Variants in LRP5 observed in about 807,000 individuals in gnomAD.
LRP5 encodes the protein low-density lipoprotein receptor-related protein 5.
LRP5 carries 62 observed loss-of-function variants against 154.1 expected under a neutral mutation model. That is an observed-to-expected ratio of 0.40 (90% CI 0.33 to 0.50). The LOEUF (loss-of-function observed/expected upper bound fraction) is 0.50, where lower values mean the gene tolerates loss of function less well. LRP5 is among the 20% of genes least tolerant of loss of function. The pLI, the probability that LRP5 is intolerant of heterozygous loss-of-function variation, is 0.55. For missense variants in LRP5, 1,915 were observed against 2,336.7 expected, an observed-to-expected ratio of 0.82 and a Z score of 3.72; for synonymous variants, 966 against 1,011.5, an observed-to-expected ratio of 0.96 and a Z score of 0.85.
intron 5 of LRP5, among the ~76,000 whole-genome samples, chr11:68,376,870 C>T (rs566483402): frequency 2.0e-5 from 3 of 152,206 alleles, no homozygotes; most frequent in Non-Finnish European, 2.9e-5. Context: ...CTAAATTCTT[C>T]AGTTTTAGGC....
At chr11:68,331,032 C>T (rs1409529370) in intron 1 of LRP5, among the ~76,000 whole-genome samples, 1 of 151,948 alleles carries the variant, frequency 6.6e-6, no homozygotes, top group Non-Finnish European at 1.5e-5. Context: ...AAAAAATGTT[C>T]TGTGATCAGG....
At chr11:68,384,300 G>A (rs1229093349) in intron 5 of LRP5, among the ~76,000 whole-genome samples, 1 of 152,178 alleles carries the variant, frequency 6.6e-6, no homozygotes, top group African/African-American at 2.4e-5. Flanking sequence ...GCCTGGCAGG[G>A]CACTCAGGAG....
chr11:68,353,145 A>G lies in LRP5; in HGVS notation c.489-4505A>G, dbSNP rs577789020. 6.6e-6 allele frequency among the ~76,000 whole-genome samples: 1 copy of G among 152,132 alleles called. No individual in the cohort carries two copies. Among genetic ancestry groups the G allele is most frequent in the South Asian group, 2.1e-4 (1 of 4,818 alleles). ...TCCCTGTTTGGCTCTGGCTTTTCTT[A>G]ACTATTTGAAATGGTTCCTTTACAT... On this transcript the variant is annotated intron_variant, in intron 2 of 22. Coordinates refer to ENST00000294304, the MANE Select transcript of LRP5 (RefSeq NM_002335.4). This position sits in a 1 kb window ranked among gnomAD's most constrained non-coding sequence, Gnocchi z 4.5.
intron 5 of LRP5, among the ~76,000 whole-genome samples, chr11:68,379,537 C>T (rs1407317536): frequency 1.3e-5 from 2 of 152,292 alleles, no homozygotes; most frequent in East Asian, 1.9e-4. Flanking sequence ...TGAGCGGCTC[C>T]CTTCTATTTG....
At chr11:68,443,188 G>A (rs2098679060) in intron 21 of LRP5, among the ~76,000 whole-genome samples, 1 of 151,954 alleles carries the variant, frequency 6.6e-6, no homozygotes, top group South Asian at 2.1e-4. Context: ...CATGAATGAT[G>A]TAAGCATCAT....
At chr11:68,426,231 C>T (rs2098668710) in intron 16 of LRP5, 44 bp downstream of exon 16, 7 of 1,559,364 alleles carry the variant, frequency 4.5e-6, no homozygotes, top group Non-Finnish European at 5.3e-6. Context: ...GGCCTCTAAA[C>T]CCGACCCCTG....
intron 1 of LRP5, among the ~76,000 whole-genome samples, chr11:68,315,692 G>A (rs534068540): frequency 3.6e-4 from 55 of 152,340 alleles, no homozygotes; most frequent in Non-Finnish European, 6.3e-4. Flanking sequence ...CCGCCCCTGC[G>A]GGCAGAGCTT....
chr11:68,437,780 G>A (rs2098675841), intron 19 of LRP5, among the ~76,000 whole-genome samples: 1 of 152,244 alleles, frequency 6.6e-6, no homozygotes, highest in African/African-American at 2.4e-5. Context: ...ACCAAGGGTC[G>A]CCTCCTCTGC....
At chr11:68,401,431 T>C (rs1446698734) in intron 7 of LRP5, among the ~76,000 whole-genome samples, 4 of 152,210 alleles carry the variant, frequency 2.6e-5, no homozygotes, top group Admixed American at 6.5e-5. Flanking sequence ...GGAGCTGTTA[T>C]CATGATACCA....
At chr11:68,422,734 C>T (rs1443300090) in intron 13 of LRP5, among the ~76,000 whole-genome samples, 1 of 151,964 alleles carries the variant, frequency 6.6e-6, no homozygotes, top group African/African-American at 2.4e-5. Context: ...CCCACACTCA[C>T]CTGCCCCTAC....
chr11:68,404,448 CG>C (rs746521749), intron 8 of LRP5: 109 of 498,074 alleles, frequency 2.2e-4, no homozygotes, highest in Admixed American at 5.5e-4. Context: ...TGCTGCCCGT[CG>C]GGTGGATGTG....
intron 13 of LRP5, among the ~76,000 whole-genome samples, chr11:68,422,333 A>G (rs1255229300): frequency 6.6e-6 from 1 of 150,830 alleles, no homozygotes; most frequent in Non-Finnish European, 1.5e-5. Flanking sequence ...ATTCCCTCTG[A>G]CTCAATGGAG....
At chr11:68,330,845 C>T (rs1275834112) in intron 1 of LRP5, among the ~76,000 whole-genome samples, 12 of 152,192 alleles carry the variant, frequency 7.9e-5, no homozygotes, top group South Asian at 2.1e-4. Flanking sequence ...TGGGGGGAGG[C>T]GGTCTGGGCC....
intron 5 of LRP5, among the ~76,000 whole-genome samples, chr11:68,375,510 C>T (rs778505918): frequency 3.5e-4 from 53 of 152,322 alleles, no homozygotes; most frequent in Non-Finnish European, 5.9e-4. Flanking sequence ...CCGGCCACAG[C>T]GCCCCTCCAT....
chr11:68,317,317 G>T lies in LRP5; in HGVS notation c.91+4512G>T, dbSNP rs376526253. ...GCTGGTGTCTGGGGTGAGGGAGCTG[G>T]GGGCCAAAAGCTCCTGCCCTGGGGC... On this transcript the variant is annotated intron_variant, in intron 1 of 22. Coordinates refer to ENST00000294304, the MANE Select transcript of LRP5 (RefSeq NM_002335.4). 1.7e-4 allele frequency among the ~76,000 whole-genome samples: 26 copies of T among 152,362 alleles called. No individual in the cohort carries two copies. In the East Asian group the frequency reaches 2.1e-3, roughly 12 times the overall value.
the LRP5 span, among the ~76,000 whole-genome samples, chr11:68,301,950 T>C: frequency 0.99 from 149,220 of 151,288 alleles, 73,621 homozygotes; most frequent in Middle Eastern, 1. Flanking sequence ...TAGCATCAGA[T>C]CTATTTTTAA....
intron 2 of LRP5, among the ~76,000 whole-genome samples, chr11:68,352,469 G>A (rs1463692079): frequency 6.6e-6 from 1 of 152,162 alleles, no homozygotes; most frequent in Non-Finnish European, 1.5e-5. Flanking sequence ...ATGCCTACGT[G>A]GTTTTGTCTT....
chr11:68,382,837 C>G (rs1379838322), intron 5 of LRP5, among the ~76,000 whole-genome samples: 4 of 151,930 alleles, frequency 2.6e-5, no homozygotes, highest in East Asian at 1.9e-4. Flanking sequence ...CCTCATAGCT[C>G]AAGGGGTGGT....
At position 68,374,121 on chromosome 11, in the gene LRP5, C is replaced by T. The variant is rs1005354251; in HGVS notation, c.1015+8419C>T. On this transcript the variant is annotated intron_variant, in intron 5 of 22. Coordinates refer to ENST00000294304, the MANE Select transcript of LRP5 (RefSeq NM_002335.4). Reference sequence around the variant, plus strand: ...TCAGGGACAGGAAACAAAAAGAAGTCGGGGATGGAGTGGGGGCAGCGGGAG... The same window carrying T: ...TCAGGGACAGGAAACAAAAAGAAGTTGGGGATGGAGTGGGGGCAGCGGGAG... Among the ~76,000 whole-genome samples, 15 of 152,212 alleles carry T rather than the reference C, an allele frequency of 9.9e-5. 1 individual carries two copies. Among genetic ancestry groups the T allele is most frequent in the Admixed American group, 7.2e-4 (11 of 15,286 alleles).
Sources: gnomAD v4.1 joint callset for allele counts (sites outside exome capture counted in the v4.1 genomes callset) on GRCh38, gnomAD v4.1.1 for gene constraint, Gnocchi (gnomAD v3.1) non-coding constraint, MANE v1.5 for transcripts, NCBI Gene and HGNC (gene_info 2026-07-23, HGNC 2026-07-21) for gene names.